PTPRD: variants seen among roughly 807,000 people sequenced by gnomAD.
PTPRD encodes the protein protein tyrosine phosphatase receptor type D.
Under a neutral mutation model 214.5 loss-of-function variants are expected in PTPRD, and 34 were observed. That is an observed-to-expected ratio of 0.16 (90% CI 0.12 to 0.21). PTPRD has a LOEUF of 0.21. Among genes scored for constraint, PTPRD ranks in the 10% least tolerant of loss-of-function variants. The pLI is 1.00. For missense variants in PTPRD, 2,545 were observed against 2,398.7 expected, an observed-to-expected ratio of 1.06 and a Z score of -1.27; for synonymous variants, 1,128 against 845.7, an observed-to-expected ratio of 1.33 and a Z score of -5.79.
At chr9:8,727,862 A>T (rs2098602639) in intron 12 of PTPRD, among the ~76,000 whole-genome samples, 1 of 152,162 alleles carries the variant, frequency 6.6e-6, no homozygotes, top group Admixed American at 6.5e-5. Flanking sequence ...TATAATTCAA[A>T]TACCATAAAG....
intron 7 of PTPRD, among the ~76,000 whole-genome samples, chr9:9,681,902 A>G (rs2097081021): frequency 6.6e-6 from 1 of 151,866 alleles, no homozygotes; most frequent in East Asian, 1.9e-4. Context: ...AATGCAGGAA[A>G]ATCATTTACA....
chr9:9,980,608 C>CAAAAAAAAAAGAAAA (rs750547585), intron 4 of PTPRD, among the ~76,000 whole-genome samples: 1 of 11,428 alleles, frequency 8.8e-5, no homozygotes, highest in Admixed American at 7.8e-4. Context: ...GACACCTTGT[C>CAAAAAAAAAAGAAAA]AAAAAAAAAC....
intron 2 of PTPRD, among the ~76,000 whole-genome samples, chr9:10,589,473 A>G (rs765612172): frequency 2.6e-5 from 4 of 152,062 alleles, no homozygotes; most frequent in Non-Finnish European, 5.9e-5. Flanking sequence ...AAAACTGAAG[A>G]AGCTGTTTCA....
At chr9:9,544,295 T>C (rs922474331) in intron 8 of PTPRD, among the ~76,000 whole-genome samples, 1 of 151,678 alleles carries the variant, frequency 6.6e-6, no homozygotes, top group East Asian at 1.9e-4. Context: ...TTTTAATTAA[T>C]TGAATTAAAA....
At chr9:10,392,988 G>C (rs2098099485) in intron 2 of PTPRD, among the ~76,000 whole-genome samples, 1 of 151,728 alleles carries the variant, frequency 6.6e-6, no homozygotes, top group South Asian at 2.1e-4. Flanking sequence ...GAGCAGTCTA[G>C]GAGCTTTGGG....
At chr9:9,730,396 A>G (rs2098167894) in intron 7 of PTPRD, among the ~76,000 whole-genome samples, 1 of 152,068 alleles carries the variant, frequency 6.6e-6, no homozygotes, top group African/African-American at 2.4e-5. Context: ...GTGGGTTTCT[A>G]TAGATTTTGC....
intron 5 of PTPRD, among the ~76,000 whole-genome samples, chr9:9,890,275 G>A (rs2072779160): frequency 2.6e-5 from 4 of 151,946 alleles, no homozygotes; most frequent in South Asian, 4.2e-4. Context: ...CTGGCTCACT[G>A]TAGCCTCCAC....
chr9:9,981,209 G>A (rs987644670), intron 4 of PTPRD, among the ~76,000 whole-genome samples: 1 of 152,110 alleles, frequency 6.6e-6, no homozygotes, highest in Non-Finnish European at 1.5e-5. Flanking sequence ...ATCGGCAGCA[G>A]GTAGAAGCAA....
intron 2 of PTPRD, among the ~76,000 whole-genome samples, chr9:10,548,045 G>A (rs1477474133): frequency 6.6e-6 from 1 of 152,072 alleles, no homozygotes; most frequent in Admixed American, 6.6e-5. Context: ...AGCAGTTGCT[G>A]TGGGTGGAAA....
chr9:9,400,263 C>T (rs954593290), intron 8 of PTPRD, among the ~76,000 whole-genome samples: 1 of 151,802 alleles, frequency 6.6e-6, no homozygotes, highest in African/African-American at 2.4e-5. Context: ...CAAATAATGA[C>T]TCAATGGCAG....
intron 7 of PTPRD, among the ~76,000 whole-genome samples, chr9:9,670,860 C>T (rs897415338): frequency 2.0e-5 from 3 of 152,162 alleles, no homozygotes; most frequent in Non-Finnish European, 4.4e-5. Context: ...AAGTTTGTTG[C>T]AGGGGCAGTG....
Position 10,605,783 on chromosome 9 carries a change from G to A in PTPRD, c.-600+6615C>T, listed in dbSNP as rs868618808. Among the ~76,000 whole-genome samples, 92 of 151,868 alleles carry A rather than the reference G, an allele frequency of 6.1e-4. 1 individual carries two copies. The highest frequency in any genetic ancestry group is 1.1e-3 in the Admixed American group (16 of 15,224). ...AAGACCATAAGATGGTCACAATTGG[G>A]TAGTTTCAAATTGCTAGCACATGGC... On this transcript the variant is annotated intron_variant, in intron 2 of 45. Transcript: ENST00000381196.
intron 11 of PTPRD, among the ~76,000 whole-genome samples, chr9:8,837,199 G>C (rs1186436268): frequency 1.3e-5 from 2 of 151,660 alleles, no homozygotes; most frequent in Admixed American, 6.6e-5. Flanking sequence ...ATTTTCAGTA[G>C]AGACAGAGTT....
intron 10 of PTPRD, among the ~76,000 whole-genome samples, chr9:9,135,746 A>G (rs544798441): frequency 6.6e-6 from 1 of 152,314 alleles, no homozygotes; most frequent in Admixed American, 6.5e-5. Flanking sequence ...TGAATGTTAT[A>G]TTGTAACAAT....
At chr9:10,013,380 A>G (rs1326462404) in intron 4 of PTPRD, among the ~76,000 whole-genome samples, 3 of 151,974 alleles carry the variant, frequency 2.0e-5, no homozygotes, top group Non-Finnish European at 4.4e-5. Flanking sequence ...CCATTTGTAA[A>G]TAAATAATCA....
intron 35 of PTPRD, among the ~76,000 whole-genome samples, chr9:8,411,871 T>G (rs1393556658): frequency 6.6e-6 from 1 of 152,338 alleles, no homozygotes; most frequent in African/African-American, 2.4e-5. Context: ...GAATAGAATG[T>G]GTCATTGGAA....
At chr9:8,719,919 A>C (rs1396294617) in intron 12 of PTPRD, among the ~76,000 whole-genome samples, 1 of 152,214 alleles carries the variant, frequency 6.6e-6, no homozygotes, top group Non-Finnish European at 1.5e-5. Flanking sequence ...TCTGTGTTAC[A>C]GTTCCAGAGG....
intron 2 of PTPRD, among the ~76,000 whole-genome samples, chr9:10,350,518 T>C (rs144557581): frequency 2.7e-3 from 418 of 152,264 alleles, no homozygotes; most frequent in African/African-American, 9.6e-3. Flanking sequence ...GCTTTTTACA[T>C]ATATTTTGTC....
At chr9:8,802,262 G>T (rs867573926) in intron 11 of PTPRD, among the ~76,000 whole-genome samples, 21 of 152,164 alleles carry the variant, frequency 1.4e-4, no homozygotes, top group Middle Eastern at 3.4e-3. Context: ...AATGGTGAAG[G>T]GTTTTTTGGT....
Sources: gnomAD v4.1 joint callset for allele counts (sites outside exome capture counted in the v4.1 genomes callset) on GRCh38, gnomAD v4.1.1 for gene constraint, MANE v1.5 for transcripts, NCBI Gene and HGNC (gene_info 2026-07-23, HGNC 2026-07-21) for gene names.